The following PDZRN4 variants were observed in gnomAD, a reference collection of about 807,000 sequenced individuals.
PDZRN4 encodes the protein PDZ domain-containing RING finger protein 4.
A neutral mutation model predicts 99.0 loss-of-function variants in PDZRN4; 70 were observed. That is an observed-to-expected ratio of 0.71 (90% CI 0.58 to 0.86). The LOEUF (loss-of-function observed/expected upper bound fraction) is 0.86. PDZRN4 is among the 40% of genes least tolerant of loss of function. The probability of loss-of-function intolerance (pLI) is 0.00; values close to 1 mark genes in which losing one functional copy is unlikely to be tolerated. For missense variants in PDZRN4, 1,474 were observed against 1,331.2 expected, an observed-to-expected ratio of 1.11 and a Z score of -1.67; for synonymous variants, 551 against 501.6, an observed-to-expected ratio of 1.10 and a Z score of -1.32.
intron 3 of PDZRN4, among the ~76,000 whole-genome samples, chr12:41,234,453 G>A (rs1951051866): frequency 6.6e-6 from 1 of 152,018 alleles, no homozygotes. Context: ...TTTATAAAAA[G>A]GGACTTCCAT....
intron 5 of PDZRN4, among the ~76,000 whole-genome samples, chr12:41,528,879 C>T (rs564735457): frequency 1.3e-5 from 2 of 152,236 alleles, no homozygotes; most frequent in East Asian, 3.9e-4. Context: ...GCCCTATTGA[C>T]AGTTTAAATC....
chr12:41,267,408 A>T (rs1036922083), intron 3 of PDZRN4, among the ~76,000 whole-genome samples: 7 of 152,034 alleles, frequency 4.6e-5, no homozygotes, highest in African/African-American at 1.7e-4. Context: ...GAAGAAGAAG[A>T]AAAAAAAGAC....
chr12:41,405,451 A>T (rs1952339428), intron 3 of PDZRN4, among the ~76,000 whole-genome samples: 1 of 152,182 alleles, frequency 6.6e-6, no homozygotes, highest in Non-Finnish European at 1.5e-5. Context: ...AAAGCAACAG[A>T]TGCTGGCAAG....
intron 3 of PDZRN4, among the ~76,000 whole-genome samples, chr12:41,493,145 G>A (rs1937922263): frequency 6.6e-6 from 1 of 152,168 alleles, no homozygotes; most frequent in Non-Finnish European, 1.5e-5. Context: ...TTAGCTGCAT[G>A]TGCACTTAAA....
intron 3 of PDZRN4, among the ~76,000 whole-genome samples, chr12:41,502,658 G>T (rs947359974): frequency 6.6e-6 from 1 of 151,876 alleles, no homozygotes. Context: ...TTTTAAATGG[G>T]ACTCCTTTAA....
At chr12:41,341,226 CCATGTATGACAAACCTGTAGCTAA>C in intron 3 of PDZRN4, among the ~76,000 whole-genome samples, 1 of 151,466 alleles carries the variant, frequency 6.6e-6, no homozygotes, top group Non-Finnish European at 1.5e-5. Context: ...ACAATGAAGG[CCATGTATGACAAACCTGTAGCTAA>C]CATCATACTG....
chr12:41,398,498 C>G (rs1952266603), intron 3 of PDZRN4, among the ~76,000 whole-genome samples: 1 of 152,052 alleles, frequency 6.6e-6, no homozygotes, highest in Non-Finnish European at 1.5e-5. Context: ...TATTAGAACA[C>G]TCCCCAACAG....
At chr12:41,376,936 T>G (rs1363900405) in intron 3 of PDZRN4, among the ~76,000 whole-genome samples, 2 of 152,216 alleles carry the variant, frequency 1.3e-5, no homozygotes, top group African/African-American at 4.8e-5. Flanking sequence ...AATTTCATTC[T>G]TCTGCATGTG....
At chr12:41,471,615 T>C (rs1952990917) in intron 3 of PDZRN4, among the ~76,000 whole-genome samples, 1 of 150,702 alleles carries the variant, frequency 6.6e-6, no homozygotes, top group South Asian at 2.1e-4. Flanking sequence ...TTAATGATGA[T>C]GATTGTGATG....
At chr12:41,358,367 C>T (rs1296331375) in intron 3 of PDZRN4, among the ~76,000 whole-genome samples, 3 of 151,944 alleles carry the variant, frequency 2.0e-5, no homozygotes, top group African/African-American at 7.3e-5. Context: ...TTATATTTAA[C>T]CAATAAATTT....
intron 3 of PDZRN4, among the ~76,000 whole-genome samples, chr12:41,341,702 A>G (rs1346321902): frequency 6.6e-6 from 1 of 151,884 alleles, no homozygotes; most frequent in East Asian, 1.9e-4. Context: ...ATTGAAGAAA[A>G]CACAAATAAA....
At chr12:41,281,285 T>G (rs992972729) in intron 3 of PDZRN4, among the ~76,000 whole-genome samples, 2 of 151,726 alleles carry the variant, frequency 1.3e-5, no homozygotes, top group Non-Finnish European at 2.9e-5. Flanking sequence ...GGCTGAAGAT[T>G]TCAAAAACCA....
intron 3 of PDZRN4, among the ~76,000 whole-genome samples, chr12:41,411,258 C>A (rs1462773747): frequency 2.0e-5 from 3 of 151,968 alleles, no homozygotes; most frequent in Admixed American, 6.6e-5. Flanking sequence ...ACCACTGTTA[C>A]CCCCAGATAT....
At chr12:41,446,959 C>G (rs1952734303) in intron 3 of PDZRN4, among the ~76,000 whole-genome samples, 1 of 150,414 alleles carries the variant, frequency 6.6e-6, no homozygotes, top group Non-Finnish European at 1.5e-5. Context: ...AGAAAGATGA[C>G]TTATAGGACA....
Position 41,293,983 on chromosome 12 carries a change from C to G in PDZRN4, c.843+99795C>G, listed in dbSNP as rs1951473390. Among the ~76,000 whole-genome samples, 4 of 152,144 alleles carry G rather than the reference C, an allele frequency of 2.6e-5. No individual in the cohort carries two copies. The South Asian group carries it at 6.2e-4, about 24-fold the overall frequency. On this transcript the variant is annotated intron_variant, in intron 3 of 9. Transcript: ENST00000402685. ...CTACAAAGACATGGCATTCAATAAA[C>G]AATAGGGTTGCTTGGATTAATTTGA...
intron 3 of PDZRN4, among the ~76,000 whole-genome samples, chr12:41,261,691 G>A (rs1951241119): frequency 6.6e-6 from 1 of 152,012 alleles, no homozygotes; most frequent in South Asian, 2.1e-4. Flanking sequence ...GGGTTTCACC[G>A]TGTTAGCCAG....
chr12:41,214,375 G>A (rs1420871233), intron 3 of PDZRN4, among the ~76,000 whole-genome samples: 4 of 131,206 alleles, frequency 3.0e-5, no homozygotes, highest in African/African-American at 1.2e-4. Flanking sequence ...GCTGCAGTGA[G>A]ACATGACCAC....
At chr12:41,516,490 T>A (rs953408214) in intron 5 of PDZRN4, among the ~76,000 whole-genome samples, 1 of 152,084 alleles carries the variant, frequency 6.6e-6, no homozygotes, top group African/African-American at 2.4e-5. Context: ...TAAGAAAGTC[T>A]TTTTTCATAG....
At chr12:41,417,536 G>T (rs12322196) in intron 3 of PDZRN4, among the ~76,000 whole-genome samples, 5,180 of 152,198 alleles carry the variant, frequency 0.034, 123 homozygotes, top group African/African-American at 0.073. Flanking sequence ...TATTCAAGAC[G>T]CCAGGAACAC....
Sources: allele counts gnomAD v4.1 joint callset (sites outside exome capture counted in the v4.1 genomes callset), GRCh38; gene constraint gnomAD v4.1.1; transcripts MANE v1.5; gene names NCBI Gene and HGNC (gene_info 2026-07-23, HGNC 2026-07-21).